SORCS3: variants seen among roughly 807,000 people sequenced by gnomAD.
SORCS3 encodes the protein sortilin related VPS10 domain containing receptor 3, also known as VPS10 domain-containing receptor SorCS3.
Under a neutral mutation model 146.3 loss-of-function variants are expected in SORCS3, and 57 were observed. That is an observed-to-expected ratio of 0.39 (90% CI 0.31 to 0.49). The LOEUF is 0.49. Ranked by LOEUF, SORCS3 falls within the 20% of genes least tolerant of loss-of-function variation. SORCS3 has a pLI of 0.92. For synonymous variants in SORCS3, 653 were observed against 618.5 expected (o/e 1.06, Z -0.83); for missense variants, 1,341 against 1,575.5 (o/e 0.85, Z 2.52).
intron 1 of SORCS3, among the ~76,000 whole-genome samples, chr10:104,723,387 T>C (rs1036551737): frequency 2.6e-5 from 4 of 152,068 alleles, no homozygotes; most frequent in African/African-American, 4.8e-5. Context: ...CTGAGGAGTG[T>C]TTTACTTCCC....
chr10:104,959,757 A>G (rs186373736), intron 3 of SORCS3, among the ~76,000 whole-genome samples: 107 of 152,332 alleles, frequency 7.0e-4, no homozygotes, highest in African/African-American at 2.4e-3. Context: ...GAAGGCATGC[A>G]GCACAGGTGT....
intron 4 of SORCS3, among the ~76,000 whole-genome samples, chr10:104,979,461 C>G (rs1306724451): frequency 6.6e-6 from 1 of 152,098 alleles, no homozygotes; most frequent in African/African-American, 2.4e-5. Context: ...ATAGAGATAT[C>G]CACAGAACAA....
At chr10:105,155,833 C>A (rs528347211) in intron 9 of SORCS3, among the ~76,000 whole-genome samples, 17 of 152,318 alleles carry the variant, frequency 1.1e-4, no homozygotes, top group African/African-American at 3.8e-4. Flanking sequence ...TTGTCAAATT[C>A]CCCTGGTGGT....
At chr10:105,095,918 A>T (rs151281488) in intron 6 of SORCS3, among the ~76,000 whole-genome samples, 18 of 152,266 alleles carry the variant, frequency 1.2e-4, no homozygotes, top group African/African-American at 4.3e-4. Flanking sequence ...ACATCAATTA[A>T]ATATTGCTCT....
intron 1 of SORCS3, among the ~76,000 whole-genome samples, chr10:104,725,007 T>C (rs7098995): frequency 0.31 from 46,323 of 151,858 alleles, 7,381 homozygotes; most frequent in East Asian, 0.63. Context: ...AGCTTTGTTC[T>C]GTTGCTGGTG....
At chr10:104,779,304 G>A (rs2496034) in intron 1 of SORCS3, among the ~76,000 whole-genome samples, 134,186 of 152,174 alleles carry the variant, frequency 0.88, 59,468 homozygotes, top group African/African-American at 0.97. Context: ...TGTAGCAGCC[G>A]TAGGAAAGGA....
chr10:104,944,412 G>C (rs2019349219), intron 3 of SORCS3, among the ~76,000 whole-genome samples: 1 of 152,146 alleles, frequency 6.6e-6, no homozygotes, highest in African/African-American at 2.4e-5. Flanking sequence ...CATTATATAA[G>C]AGTGAAAGTC....
At chr10:104,952,255 GAAA>G (rs55880149) in intron 3 of SORCS3, among the ~76,000 whole-genome samples, 2,287 of 40,184 alleles carry the variant, frequency 0.057, 18 homozygotes, top group South Asian at 0.098. Flanking sequence ...ATGAATGTTT[GAAA>G]AAAAAAAAAA....
chr10:105,042,560 T>G (rs1170676962), intron 4 of SORCS3, among the ~76,000 whole-genome samples: 2 of 151,982 alleles, frequency 1.3e-5, no homozygotes, highest in Non-Finnish European at 2.9e-5. Context: ...CATGGAATAA[T>G]AAGAAGAGTG....
intron 5 of SORCS3, among the ~76,000 whole-genome samples, chr10:105,044,270 T>A (rs1018653283): frequency 6.6e-6 from 1 of 152,056 alleles, no homozygotes; most frequent in Non-Finnish European, 1.5e-5. Flanking sequence ...CTCAGGAGGC[T>A]GAGATGCAGT....
intron 1 of SORCS3, among the ~76,000 whole-genome samples, chr10:104,721,877 G>A (rs1274391378): frequency 1.3e-5 from 2 of 152,170 alleles, no homozygotes; most frequent in African/African-American, 4.8e-5. Flanking sequence ...GAGATTTTGG[G>A]CTGAGATGAT....
chr10:104,668,601 A>C lies in SORCS3; in HGVS notation c.627+26647A>C, dbSNP rs538030388. 2.6e-5 allele frequency among the ~76,000 whole-genome samples: 4 copies of C among 152,350 alleles called. No individual in the cohort carries two copies. In the South Asian group the frequency reaches 8.3e-4, roughly 32 times the overall value. Reference sequence around the variant, plus strand: ...GATACACTTGTATTGTCTTACCATGATGTCTGTCTCATCAAAATTAACTGT... The same window carrying C: ...GATACACTTGTATTGTCTTACCATGCTGTCTGTCTCATCAAAATTAACTGT... On this transcript the variant is annotated intron_variant, in intron 1 of 26. Coordinates refer to ENST00000369701, the MANE Select transcript of SORCS3 (RefSeq NM_014978.3).
At chr10:104,948,984 A>G (rs1354283602) in intron 3 of SORCS3, among the ~76,000 whole-genome samples, 1 of 152,222 alleles carries the variant, frequency 6.6e-6, no homozygotes, top group Non-Finnish European at 1.5e-5. Flanking sequence ...TGTTGCAGAA[A>G]AGTCCACCAT....
intron 3 of SORCS3, among the ~76,000 whole-genome samples, chr10:104,940,206 A>ATT (rs2019298141): frequency 8.5e-5 from 3 of 35,460 alleles, no homozygotes; most frequent in African/African-American, 1.8e-4. Flanking sequence ...CTTTTCTTTT[A>ATT]TATATATATA....
intron 1 of SORCS3, among the ~76,000 whole-genome samples, chr10:104,707,644 T>G (rs568067069): frequency 6.6e-6 from 1 of 152,218 alleles, no homozygotes; most frequent in South Asian, 2.1e-4. Flanking sequence ...TAAATGAATA[T>G]CAACGATGAG....
intron 3 of SORCS3, among the ~76,000 whole-genome samples, chr10:104,965,319 A>G (rs1401523276): frequency 1.3e-5 from 2 of 152,204 alleles, no homozygotes; most frequent in Admixed American, 6.5e-5. Context: ...TGTCTTGGCC[A>G]TGGTCACCAA....
At chr10:105,075,169 A>T (rs2055580906) in intron 5 of SORCS3, among the ~76,000 whole-genome samples, 1 of 152,106 alleles carries the variant, frequency 6.6e-6, no homozygotes, top group Admixed American at 6.5e-5. Flanking sequence ...TACATGTGGC[A>T]TGGTGGCTCA....
chr10:104,668,078 G>T (rs1412044783), intron 1 of SORCS3, among the ~76,000 whole-genome samples: 1 of 152,214 alleles, frequency 6.6e-6, no homozygotes, highest in African/African-American at 2.4e-5. Flanking sequence ...TTGGTCTCCA[G>T]TGTCTGGGCT....
intron 3 of SORCS3, among the ~76,000 whole-genome samples, chr10:104,936,774 GCAAA>G (rs1161387073): frequency 1.3e-5 from 2 of 152,200 alleles, no homozygotes; most frequent in Non-Finnish European, 2.9e-5. Context: ...TATCAATTCA[GCAAA>G]CAGTTTTTGA....
Sources: allele counts gnomAD v4.1 joint callset (sites outside exome capture counted in the v4.1 genomes callset), GRCh38; gene constraint gnomAD v4.1.1; transcripts MANE v1.5; gene names NCBI Gene and HGNC (gene_info 2026-07-23, HGNC 2026-07-21).